KAZN: variants seen among roughly 807,000 people sequenced by gnomAD.
KAZN encodes kazrin.
In KAZN, 40 loss-of-function variants were observed where a neutral mutation model predicts 87.4. That is an observed-to-expected ratio of 0.46 (90% CI 0.36 to 0.60). The LOEUF (loss-of-function observed/expected upper bound fraction) is 0.60, where lower values mean the gene tolerates loss of function less well. Ranked by LOEUF, KAZN falls within the 20% of genes least tolerant of loss-of-function variation. KAZN has a pLI of 0.00. For missense variants in KAZN, 898 were observed against 1,073.9 expected (o/e 0.84, Z 2.29); for synonymous variants, 466 against 458.3 (o/e 1.02, Z -0.22).
intron 2 of KAZN, among the ~76,000 whole-genome samples, chr1:14,418,172 C>T (rs1457636027): frequency 2.6e-5 from 4 of 151,962 alleles, no homozygotes; most frequent in Non-Finnish European, 5.9e-5. Flanking sequence ...GAATAAGAAC[C>T]TTAGATCTTA....
chr1:14,228,667 C>T (rs1248804949), intron 2 of KAZN, among the ~76,000 whole-genome samples: 1 of 152,196 alleles, frequency 6.6e-6, no homozygotes, highest in South Asian at 2.1e-4. Context: ...ATGGCTGAAT[C>T]TTCTGAATCT....
chr1:13,950,510 T>C (rs1641305451), intron 1 of KAZN, among the ~76,000 whole-genome samples: 1 of 152,224 alleles, frequency 6.6e-6, no homozygotes, highest in Admixed American at 6.5e-5. Flanking sequence ...GTTGTCTGAG[T>C]TATCTACTTG....
chr1:14,204,248 G>A (rs952608516), intron 2 of KAZN, among the ~76,000 whole-genome samples: 2 of 152,132 alleles, frequency 1.3e-5, no homozygotes, highest in African/African-American at 2.4e-5. Context: ...CACCAGAAAT[G>A]ACTTCTTCAC....
chr1:15,023,679 T>C (rs1670902380), intron 2 of KAZN, among the ~76,000 whole-genome samples: 1 of 151,634 alleles, frequency 6.6e-6, no homozygotes, highest in South Asian at 2.1e-4. Context: ...TGAGCTGCCT[T>C]TTAAGGGGAC....
At chr1:14,742,369 G>A (rs909014608) in intron 1 of KAZN, among the ~76,000 whole-genome samples, 2 of 152,210 alleles carry the variant, frequency 1.3e-5, no homozygotes, top group African/African-American at 4.8e-5. Flanking sequence ...AGCACAGCAG[G>A]CACAAAATAG....
intron 2 of KAZN, among the ~76,000 whole-genome samples, chr1:14,394,169 AC>A (rs1046792444): frequency 2.3e-4 from 35 of 152,260 alleles, no homozygotes; most frequent in African/African-American, 8.2e-4. Flanking sequence ...TAGTGCGTTA[AC>A]GCAATGATGC....
intron 2 of KAZN, among the ~76,000 whole-genome samples, chr1:14,387,989 G>T (rs575844153): frequency 2.0e-5 from 3 of 152,212 alleles, no homozygotes; most frequent in African/African-American, 4.8e-5. Flanking sequence ...AGGACCCTCC[G>T]ATCCAGGTGC....
In KAZN at chr1:14,856,588, T is replaced by C. The variant is rs1650135272; in HGVS notation, c.227-104096T>C. Among the ~76,000 whole-genome samples the C allele has an allele frequency of 6.6e-6, 1 of 152,240 alleles. No homozygotes were observed. Among genetic ancestry groups the C allele is most frequent in the South Asian group, 2.1e-4 (1 of 4,830 alleles). On this transcript the variant is annotated intron_variant, in intron 1 of 14. Transcript: ENST00000376030. The surrounding 1 kb of genome is among the most constrained non-coding windows in gnomAD (Gnocchi z 5.2). ...TAAAACATTCCATATTTTATTTCTA[T>C]TTTGGTAGCTCAACAATTCACTAAG...
intron 11 of KAZN, among the ~76,000 whole-genome samples, chr1:15,102,803 T>C (rs1305871124): frequency 2.0e-5 from 3 of 152,212 alleles, no homozygotes; most frequent in African/African-American, 7.2e-5. Flanking sequence ...CGTGCCACTG[T>C]GTGGCTCTGG....
chr1:13,959,594 C>T (rs984926370), intron 1 of KAZN, among the ~76,000 whole-genome samples: 7 of 152,166 alleles, frequency 4.6e-5, no homozygotes, highest in African/African-American at 1.7e-4. Flanking sequence ...AGGGCCTTTG[C>T]ACTTGTTCCC....
At chr1:14,430,323 C>T (rs1665980979) in intron 2 of KAZN, among the ~76,000 whole-genome samples, 1 of 151,804 alleles carries the variant, frequency 6.6e-6, no homozygotes, top group Non-Finnish European at 1.5e-5. Context: ...GTGTGTTGAG[C>T]CCTGCTAGAT....
At chr1:15,043,421 A>G (rs1673121096) in intron 3 of KAZN, among the ~76,000 whole-genome samples, 1 of 152,182 alleles carries the variant, frequency 6.6e-6, no homozygotes, top group Non-Finnish European at 1.5e-5. Flanking sequence ...CATAAGGGGA[A>G]CCCAGACTCG....
At chr1:14,885,663 G>A (rs1653960372) in intron 1 of KAZN, among the ~76,000 whole-genome samples, 1 of 151,794 alleles carries the variant, frequency 6.6e-6, no homozygotes, top group Non-Finnish European at 1.5e-5. Flanking sequence ...TTCCTTCATA[G>A]AATCAATTAA....
chr1:14,947,789 C>T (rs969136361), intron 1 of KAZN, among the ~76,000 whole-genome samples: 5 of 152,234 alleles, frequency 3.3e-5, no homozygotes, highest in African/African-American at 1.2e-4. Context: ...GTGCCAGGCA[C>T]ATAGTGAACA....
intron 2 of KAZN, among the ~76,000 whole-genome samples, chr1:14,982,674 C>T (rs1273140344): frequency 6.6e-6 from 1 of 152,136 alleles, no homozygotes; most frequent in Non-Finnish European, 1.5e-5. Context: ...ATCCACTCAC[C>T]TTGGCCTCCC....
chr1:14,435,329 A>G (rs1027687801), intron 2 of KAZN, among the ~76,000 whole-genome samples: 2 of 152,136 alleles, frequency 1.3e-5, no homozygotes, highest in Admixed American at 6.6e-5. Flanking sequence ...GAAACTGAAT[A>G]CCCAAGAGCT....
chr1:14,193,171 A>T (rs1449110575), intron 2 of KAZN, among the ~76,000 whole-genome samples: 1 of 152,114 alleles, frequency 6.6e-6, no homozygotes, highest in Admixed American at 6.6e-5. Context: ...ACCTTCCACC[A>T]TGATTGTAAG....
chr1:14,863,727 C>G (rs916318582), intron 1 of KAZN, among the ~76,000 whole-genome samples: 2 of 152,116 alleles, frequency 1.3e-5, no homozygotes, highest in Non-Finnish European at 2.9e-5. Context: ...GAATAATGAA[C>G]TCAGCTGAGG....
chr1:14,582,023 G>A (rs1237524970), intron 2 of KAZN, among the ~76,000 whole-genome samples: 1 of 151,832 alleles, frequency 6.6e-6, no homozygotes, highest in African/African-American at 2.4e-5. Flanking sequence ...GCTCCAAAAG[G>A]GCAGGGACTT....
Sources: gnomAD v4.1 joint callset for allele counts (sites outside exome capture counted in the v4.1 genomes callset) on GRCh38, gnomAD v4.1.1 for gene constraint, Gnocchi (gnomAD v3.1) non-coding constraint, MANE v1.5 for transcripts, NCBI Gene and HGNC (gene_info 2026-07-23, HGNC 2026-07-21) for gene names.